SH3GL3: variants seen among roughly 807,000 people sequenced by gnomAD.
The protein encoded by SH3GL3 is endophilin-A3.
A neutral mutation model predicts 47.7 loss-of-function variants in SH3GL3; 33 were observed. That is an observed-to-expected ratio of 0.69 (90% confidence interval 0.52 to 0.92). The LOEUF (loss-of-function observed/expected upper bound fraction) is 0.92, where lower values mean the gene tolerates loss of function less well. SH3GL3 is among the 40% of genes least tolerant of loss of function. The pLI, the probability that SH3GL3 is intolerant of heterozygous loss-of-function variation, is 0.00. For missense variants in SH3GL3, 363 were observed against 417.8 expected, an observed-to-expected ratio of 0.87 and a Z score of 1.14; for synonymous variants, 155 against 148.8, an observed-to-expected ratio of 1.04 and a Z score of -0.30.
chr15:83,615,820 A>C (rs763799759), intron 8 of SH3GL3, among the ~76,000 whole-genome samples: 3 of 152,222 alleles, frequency 2.0e-5, no homozygotes, highest in Non-Finnish European at 2.9e-5. Context: ...GCATTATTAA[A>C]TATAATAGAT....
intron 1 of SH3GL3, among the ~76,000 whole-genome samples, chr15:83,479,570 A>G (rs1374660666): frequency 6.6e-6 from 1 of 152,190 alleles, no homozygotes; most frequent in East Asian, 1.9e-4. Context: ...GGATTTATCT[A>G]CCAACTGCCC....
At chr15:83,502,511 C>T (rs1795208444) in intron 1 of SH3GL3, among the ~76,000 whole-genome samples, 1 of 152,138 alleles carries the variant, frequency 6.6e-6, no homozygotes, top group South Asian at 2.1e-4. Context: ...CTTATATATG[C>T]CTGTGTGAAT....
chr15:83,608,380 G>T (rs1327190235), intron 8 of SH3GL3, among the ~76,000 whole-genome samples: 1 of 152,128 alleles, frequency 6.6e-6, no homozygotes, highest in Non-Finnish European at 1.5e-5. Flanking sequence ...TGAAGCTTCT[G>T]TCCAGTGCGC....
At chr15:83,621,913 C>A (rs551682039), downstream of SH3GL3, among the ~76,000 whole-genome samples, 59 of 152,232 alleles carry the variant, frequency 3.9e-4, no homozygotes, top group African/African-American at 1.4e-3. Context: ...AAGCCAGGTT[C>A]CCCAGTCTTC....
At chr15:83,610,257 C>T (rs1242592699) in intron 8 of SH3GL3, among the ~76,000 whole-genome samples, 2 of 152,234 alleles carry the variant, frequency 1.3e-5, no homozygotes, top group African/African-American at 2.4e-5. Flanking sequence ...TGGGAGAAGG[C>T]TGGGCGTGGT....
chr15:83,467,278 C>T (rs139907584), intron 1 of SH3GL3, among the ~76,000 whole-genome samples: 290 of 152,326 alleles, frequency 1.9e-3, no homozygotes, highest in African/African-American at 6.7e-3. Flanking sequence ...TCCAGTACCA[C>T]GTGTTGCAAA....
intron 1 of SH3GL3, among the ~76,000 whole-genome samples, chr15:83,487,023 C>T (rs1461026261): frequency 6.6e-6 from 1 of 152,132 alleles, no homozygotes; most frequent in East Asian, 1.9e-4. Flanking sequence ...CAAATACAAC[C>T]ACATTAGGAG....
intron 8 of SH3GL3, among the ~76,000 whole-genome samples, chr15:83,612,943 T>C (rs2060710197): frequency 6.6e-6 from 1 of 152,230 alleles, no homozygotes; most frequent in Non-Finnish European, 1.5e-5. Context: ...GTTTCACAAC[T>C]GAAATGGTAT....
intron 1 of SH3GL3, among the ~76,000 whole-genome samples, chr15:83,541,310 C>CAATTT (rs1567318555): frequency 2.7e-4 from 13 of 47,804 alleles, no homozygotes; most frequent in African/African-American, 7.8e-4. Flanking sequence ...TATGGTAATT[C>CAATTT]TATTTTTTTT....
At chr15:83,601,626 A>G (rs962048321) in intron 8 of SH3GL3, among the ~76,000 whole-genome samples, 11 of 152,062 alleles carry the variant, frequency 7.2e-5, no homozygotes, top group Admixed American at 1.3e-4. Flanking sequence ...TTTTGCATCT[A>G]TGTTCATCAG....
chr15:83,449,429 A>G (rs1207530439), intron 1 of SH3GL3, among the ~76,000 whole-genome samples: 1 of 152,224 alleles, frequency 6.6e-6, no homozygotes, highest in East Asian at 1.9e-4. Flanking sequence ...TGTACTTGTT[A>G]CATTGGCTTC....
chr15:83,507,298 G>A (rs564096133), intron 1 of SH3GL3, among the ~76,000 whole-genome samples: 8 of 152,090 alleles, frequency 5.3e-5, no homozygotes, highest in African/African-American at 1.2e-4. Flanking sequence ...GTGAGCCACC[G>A]TGCCCGGCCT....
At chr15:83,594,303 C>T (rs1231450753) in intron 8 of SH3GL3, among the ~76,000 whole-genome samples, 2 of 152,110 alleles carry the variant, frequency 1.3e-5, no homozygotes, top group Non-Finnish European at 1.5e-5. Flanking sequence ...GTTAAATCAA[C>T]CTTGCATCCC....
At chr15:83,456,680 GCA>G (rs1596004646) in intron 1 of SH3GL3, among the ~76,000 whole-genome samples, 1 of 143,832 alleles carries the variant, frequency 7.0e-6, no homozygotes, top group Non-Finnish European at 1.5e-5. Context: ...CGCACGGTGC[GCA>G]CACACACTGG....
intron 8 of SH3GL3, among the ~76,000 whole-genome samples, chr15:83,601,170 G>A (rs531926326): frequency 5.9e-5 from 9 of 152,222 alleles, no homozygotes; most frequent in East Asian, 1.9e-4. Flanking sequence ...CCTCTATACC[G>A]ATTTGGATGC....
At chr15:83,626,022 G>A in the SH3GL3 span, among the ~76,000 whole-genome samples, 9 of 152,118 alleles carry the variant, frequency 5.9e-5, no homozygotes, top group Non-Finnish European at 1.0e-4. Context: ...TAGTAGAGAC[G>A]GGGTTTCGCC....
intron 8 of SH3GL3, among the ~76,000 whole-genome samples, chr15:83,612,101 C>T (rs2060683797): frequency 6.6e-6 from 1 of 151,834 alleles, no homozygotes; most frequent in Admixed American, 6.6e-5. Flanking sequence ...GTAGCTCAGT[C>T]TCTTCCAATA....
chr15:83,588,058 C>T (rs760732704), intron 7 of SH3GL3, among the ~76,000 whole-genome samples: 11 of 152,212 alleles, frequency 7.2e-5, no homozygotes, highest in African/African-American at 2.7e-4. Context: ...GTGCCGACCG[C>T]GTCCCAGGCA....
intron 7 of SH3GL3, 103 bp from the exon 8 acceptor site, chr15:83,588,559 C>T (rs1357781038): frequency 4.9e-5 from 36 of 730,844 alleles, no homozygotes; most frequent in Non-Finnish European, 8.3e-5. Flanking sequence ...TTCATGACCA[C>T]TGGCTGTAAC....
Sources: allele counts gnomAD v4.1 joint callset (sites outside exome capture counted in the v4.1 genomes callset), GRCh38; gene constraint gnomAD v4.1.1; transcripts MANE v1.5; gene names NCBI Gene and HGNC (gene_info 2026-07-23, HGNC 2026-07-21).